Variants in ABCB11 observed in about 807,000 individuals in gnomAD.
ABCB11 encodes bile salt export pump.
ABCB11 carries 95 observed loss-of-function variants against 148.0 expected under a neutral mutation model. The observed-to-expected ratio is 0.64, with a 90% CI of 0.54 to 0.76. The LOEUF (loss-of-function observed/expected upper bound fraction) is 0.76, where lower values mean the gene tolerates loss of function less well. ABCB11 is among the 30% of genes least tolerant of loss of function. The pLI, the probability that ABCB11 is intolerant of heterozygous loss-of-function variation, is 0.00. For missense variants in ABCB11, 1,523 were observed against 1,617.8 expected (o/e 0.94, Z 1.01); for synonymous variants, 591 against 555.4 (o/e 1.06, Z -0.90).
chr2:168,927,028 A>G, intron 26 of ABCB11, 128 bp downstream of exon 26: 1 of 896,142 alleles, frequency 1.1e-6, no homozygotes, highest in East Asian at 2.4e-5. Flanking sequence ...GCATTCAAAA[A>G]TTTTTGAATT....
At chr2:168,930,249 T>A (rs1427600545) in intron 25 of ABCB11, among the ~76,000 whole-genome samples, 1 of 152,214 alleles carries the variant, frequency 6.6e-6, no homozygotes, top group Non-Finnish European at 1.5e-5. Flanking sequence ...ACAAGGATTG[T>A]CTTAGATCTT....
At chr2:169,017,016 A>ACG (rs1695381466) in intron 2 of ABCB11, among the ~76,000 whole-genome samples, 1 of 150,696 alleles carries the variant, frequency 6.6e-6, no homozygotes, top group Non-Finnish European at 1.5e-5. Flanking sequence ...ACACACACAC[A>ACG]CACACACGAA....
intron 19 of ABCB11, among the ~76,000 whole-genome samples, chr2:168,949,906 C>T (rs191639836): frequency 1.3e-3 from 201 of 151,402 alleles, no homozygotes; most frequent in African/African-American, 4.4e-3. Context: ...AAAATGTAAA[C>T]GAGCAAGACT....
At chr2:168,969,257 G>A in intron 16 of ABCB11, 93 bp downstream of exon 16, 1 of 1,201,140 alleles carries the variant, frequency 8.3e-7, no homozygotes, top group South Asian at 1.5e-5. Flanking sequence ...GTTGTTGGGA[G>A]AACAGTGAGT....
intron 1 of ABCB11, among the ~76,000 whole-genome samples, chr2:169,022,522 A>G (rs1695568688): frequency 6.6e-6 from 1 of 151,982 alleles, no homozygotes; most frequent in Admixed American, 6.6e-5. Context: ...AAAACTTAAA[A>G]AGTAATGGCT....
chr2:168,964,425 A>G lies in ABCB11; in HGVS notation c.2076-117T>C, dbSNP rs1391637118. On this transcript the variant is annotated intron_variant, in intron 17 of 27. Coordinates refer to ENST00000650372, the MANE Select transcript of ABCB11 (RefSeq NM_003742.4). ...TAAATAGAAATGTTTGGTAGGTCAC[A>G]TGGTAACCAGGAAAGGGAGCTTGCA... The G allele has an allele frequency of 6.0e-6, 5 of 835,644 alleles. No individual in the cohort carries two copies. In the East Asian group the frequency reaches 8.2e-5, roughly 14 times the overall value. The allele number at this position is 835,644 out of a possible 1,614,324, so 51.8% of individuals were successfully genotyped here. A position where few individuals can be genotyped will look rare whatever the true frequency, so the allele number is the denominator to read the frequency against.
intron 9 of ABCB11, among the ~76,000 whole-genome samples, chr2:168,990,035 C>T (rs1016321093): frequency 2.6e-5 from 4 of 152,062 alleles, no homozygotes; most frequent in African/African-American, 7.2e-5. Flanking sequence ...AGCATTTTCA[C>T]GTCCATGTTT....
chr2:168,965,317 C>A (rs1223896125), intron 17 of ABCB11, among the ~76,000 whole-genome samples: 5 of 151,760 alleles, frequency 3.3e-5, no homozygotes, highest in Admixed American at 6.6e-5. Flanking sequence ...CCCCCAGACT[C>A]CTGGGAAGGA....
chr2:168,998,663 C>T (rs1050101719), intron 5 of ABCB11, among the ~76,000 whole-genome samples: 5 of 151,966 alleles, frequency 3.3e-5, no homozygotes, highest in Admixed American at 6.6e-5. Context: ...AGTGATGAAG[C>T]GACTGTCATT....
downstream of ABCB11, among the ~76,000 whole-genome samples, chr2:168,917,248 G>C (rs1271305487): frequency 6.6e-6 from 1 of 151,734 alleles, no homozygotes; most frequent in African/African-American, 2.4e-5. Context: ...TTCTCAAACA[G>C]TAGCATTTCT....
chr2:169,017,847 G>A (rs888291644), intron 2 of ABCB11: 14 of 742,216 alleles, frequency 1.9e-5, no homozygotes, highest in Non-Finnish European at 2.5e-5. Context: ...CACACACTTG[G>A]TGTGTTCTTA....
chr2:169,030,647 G>T (rs1695839132), intron 1 of ABCB11, among the ~76,000 whole-genome samples: 1 of 152,094 alleles, frequency 6.6e-6, no homozygotes, highest in Non-Finnish European at 1.5e-5. Context: ...TGGCTTGGGT[G>T]ACCTAAAAAC....
At chr2:169,023,561 C>G (rs1204449399) in intron 1 of ABCB11, among the ~76,000 whole-genome samples, 7 of 152,128 alleles carry the variant, frequency 4.6e-5, no homozygotes, top group Admixed American at 2.0e-4. Flanking sequence ...AATAGACACA[C>G]AGTGGAATAT....
At chr2:168,942,966 A>C (rs973842990) in intron 21 of ABCB11, among the ~76,000 whole-genome samples, 15 of 151,992 alleles carry the variant, frequency 9.9e-5, no homozygotes, top group Non-Finnish European at 4.4e-5. Flanking sequence ...CTTCAAGAAA[A>C]CAAAGCCAAA....
chr2:168,918,032 T>G (rs928852179), downstream of ABCB11, among the ~76,000 whole-genome samples: 4 of 100,020 alleles, frequency 4.0e-5, no homozygotes, highest in Non-Finnish European at 9.7e-5. Context: ...ATTTCACCTG[T>G]TTTTTTTCCA....
intron 19 of ABCB11, 106 bp downstream of exon 19, chr2:168,957,858 T>G: frequency 9.0e-7 from 1 of 1,113,340 alleles, no homozygotes; most frequent in Non-Finnish European, 1.2e-6. Flanking sequence ...ATGAGAAAAA[T>G]GAACTAACAG....
At chr2:168,917,735 C>T (rs577866093), downstream of ABCB11, among the ~76,000 whole-genome samples, 157 of 152,272 alleles carry the variant, frequency 1.0e-3, 1 homozygote, top group African/African-American at 3.4e-3. Context: ...AAGCTGGGCT[C>T]ATGTTTTTAT....
In ABCB11 at chr2:168,927,067, G is replaced by A. The variant is rs958083406; in HGVS notation, c.3618+89C>T. ...GAACATTTTGGATTTGGGATTTTCA[G>A]ATTAGGGATGCTCAACCTGTACACT... On this transcript the variant is annotated intron_variant, in intron 26 of 27. Transcript: ENST00000650372. 6.2e-6 allele frequency: 8 copies of A among 1,280,272 alleles called. No individual in the cohort carries two copies. The African/African-American group carries it at 1.0e-4, about 17-fold the overall frequency. 79.3% of individuals were successfully genotyped at this position (1,280,272 alleles called of 1,614,324 possible).
In ABCB11 at chr2:169,022,197, G is replaced by T. The variant is rs568093800; in HGVS notation, c.-27-4045C>A. 2.0e-5 allele frequency among the ~76,000 whole-genome samples: 3 copies of T among 151,832 alleles called. No individual in the cohort carries two copies. In the South Asian group the frequency reaches 6.2e-4, roughly 32 times the overall value. On this transcript the variant is annotated intron_variant, in intron 1 of 27. Coordinates refer to ENST00000650372, the MANE Select transcript of ABCB11 (RefSeq NM_003742.4). ...TTTTGCTTTTAAGAGATTAATGAAT[G>T]AATTATGTTCTAATCAAGAACCTAA...
Sources: allele counts gnomAD v4.1 joint callset (sites outside exome capture counted in the v4.1 genomes callset), GRCh38; gene constraint gnomAD v4.1.1; transcripts MANE v1.5; gene names NCBI Gene and HGNC (gene_info 2026-07-23, HGNC 2026-07-21).